The following DKK1 variants were observed in gnomAD, a reference collection of about 807,000 sequenced individuals.
The protein encoded by DKK1 is dickkopf Wnt signaling pathway inhibitor 1.
A neutral mutation model predicts 26.0 loss-of-function variants in DKK1; 18 were observed. The observed-to-expected ratio is 0.69, with a 90% confidence interval of 0.48 to 1.03. The LOEUF (loss-of-function observed/expected upper bound fraction) is 1.03, where lower values mean the gene tolerates loss of function less well. Among genes scored for constraint, DKK1 ranks in the 50% least tolerant of loss-of-function variants. The pLI is 0.00. For missense variants in DKK1, 335 were observed against 348.5 expected, an observed-to-expected ratio of 0.96 and a Z score of 0.31; for synonymous variants, 130 against 132.6, an observed-to-expected ratio of 0.98 and a Z score of 0.13.
intron 2 of DKK1, among the ~76,000 whole-genome samples, chr10:52,315,870 G>C (rs1440654298): frequency 1.3e-5 from 2 of 152,244 alleles, no homozygotes; most frequent in East Asian, 3.9e-4. Flanking sequence ...AGATTGCAAT[G>C]TTCCAGGCAG....
Position 52,314,749 on chromosome 10 carries a change from C to G in DKK1, c.243+72C>G. Reference sequence around the variant, plus strand: ...CCTATCTGGAGACGAGGGAGTAGAACGTGCTGAATGTGTGCGGTTCAGGGA... The same window carrying G: ...CCTATCTGGAGACGAGGGAGTAGAAGGTGCTGAATGTGTGCGGTTCAGGGA... On this transcript the variant is annotated intron_variant, in intron 1 of 3. Transcript: ENST00000373970. The surrounding 1 kb of genome is among the most constrained non-coding windows in gnomAD (Gnocchi z 5.7). The G allele has an allele frequency of 6.3e-7, 1 of 1,577,124 alleles. No homozygotes were observed. Among genetic ancestry groups the G allele is most frequent in the Non-Finnish European group, 8.6e-7 (1 of 1,160,856 alleles).
Position 52,314,524 on chromosome 10 carries a change from C to T in DKK1, c.90C>T (p.Ser30=), listed in dbSNP as rs200283314. The change falls in exon 1 of 4, where the codon AGC becomes AGT. Residue 30 remains serine, a synonymous_variant. Coordinates refer to ENST00000373970, the MANE Select transcript of DKK1 (RefSeq NM_012242.4). This position sits in a 1 kb window ranked among gnomAD's most constrained non-coding sequence, Gnocchi z 5.7. The part of the protein sequence containing the change: ...ALGGHPLLGV[S]ATLNSVLNSN... ...GCGGCCACCCTCTGCTGGGAGTGAG[C>T]GCCACCTTGAACTCGGTTCTCAATT... 1.9e-6 allele frequency: 3 copies of T among 1,613,786 alleles called. No individual in the cohort carries two copies. Among genetic ancestry groups the T allele is most frequent in the East Asian group, 2.2e-5 (1 of 44,846 alleles).
chr10:52,316,911 T>C lies in DKK1; in HGVS notation c.*104T>C. On this transcript the variant is annotated 3_prime_UTR_variant, in exon 4 of 4. Transcript: ENST00000373970. Reference sequence around the variant, plus strand: ...CCTAAGGATATACAAGTTCTGTGGTTTCAGTTAAGCATTCCAATAACACCT... The same window carrying C: ...CCTAAGGATATACAAGTTCTGTGGTCTCAGTTAAGCATTCCAATAACACCT... The C allele has an allele frequency of 7.3e-7, 1 of 1,370,394 alleles. No homozygotes were observed. The highest frequency in any genetic ancestry group is 9.9e-7 in the Non-Finnish European group (1 of 1,007,670). 84.9% of individuals were successfully genotyped at this position (1,370,394 alleles called of 1,614,324 possible).
At chr10:52,315,778 C>T (rs1842611018) in intron 2 of DKK1, among the ~76,000 whole-genome samples, 1 of 152,172 alleles carries the variant, frequency 6.6e-6, no homozygotes, top group Non-Finnish European at 1.5e-5. Flanking sequence ...CGACGACCCT[C>T]CTTAGGACCC....
chr10:52,316,498 C>T (rs967112194), intron 3 of DKK1, 56 bp from the exon 4 acceptor site: 11 of 1,609,702 alleles, frequency 6.8e-6, no homozygotes, highest in Non-Finnish European at 9.3e-6. Context: ...TTTAGTGAAA[C>T]GATGCAGGTT....
chr10:52,315,633 A>G (rs1189331479), intron 2 of DKK1, among the ~76,000 whole-genome samples: 1 of 152,112 alleles, frequency 6.6e-6, no homozygotes, highest in Non-Finnish European at 1.5e-5. Context: ...TGACTTCTCC[A>G]TCCTTCCCCC....
rs866051451 is a variant in DKK1, at chr10:52,317,614, A to T, written c.*807A>T. On this transcript the variant is annotated 3_prime_UTR_variant, in exon 4 of 4. Coordinates refer to ENST00000373970, the MANE Select transcript of DKK1 (RefSeq NM_012242.4). ...ATGGCAGAATGAGAGTGAATCTTACATTACTACTTTCAAAAATAGTTTCCA... is the reference window on the plus strand; with the variant it reads ...ATGGCAGAATGAGAGTGAATCTTACTTTACTACTTTCAAAAATAGTTTCCA... 2.0e-5 allele frequency: 3 copies of T among 152,238 alleles called. No individual in the cohort carries two copies. The highest frequency in any genetic ancestry group is 2.9e-5 in the Non-Finnish European group (2 of 68,044). 9.4% of individuals were successfully genotyped at this position (152,238 alleles called of 1,614,324 possible). A position where few individuals can be genotyped will look rare whatever the true frequency, so the allele number is the denominator to read the frequency against.
At chr10:52,315,243 C>T (rs1458355707) in intron 2 of DKK1, 158 bp downstream of exon 2, 1 of 636,172 alleles carries the variant, frequency 1.6e-6, no homozygotes, top group East Asian at 3.2e-5. Context: ...TGCAGGATTC[C>T]GCTGAAGTAT....
chr10:52,316,442 AT>A lies in DKK1; in HGVS notation c.547+8del. 6.2e-7 allele frequency: 1 copy of A among 1,613,788 alleles called. No individual in the cohort carries two copies. Among genetic ancestry groups the A allele is most frequent in the Non-Finnish European group, 8.5e-7 (1 of 1,179,916 alleles). The stretch of plus-strand genomic sequence containing the variant: ...AAAATGTATCACACCAAAGGTAAGG[AT>A]GTTAAGACTCATTCTTAGCACATCA... On this transcript the variant is annotated splice_region_variant and intron_variant, in intron 3 of 3. Coordinates refer to ENST00000373970, the MANE Select transcript of DKK1 (RefSeq NM_012242.4).
At position 52,315,030 on chromosome 10, in the gene DKK1, C is replaced by T; in HGVS notation, c.351C>T (p.Arg117=). Residue 117 remains arginine (R), a synonymous_variant, in exon 2 of 4, where the codon CGC becomes CGT. Coordinates refer to ENST00000373970, the MANE Select transcript of DKK1 (RefSeq NM_012242.4). ...AAATCTGTCTCGCCTGCAGGAAGCG[C>T]CGAAAACGCTGCATGCGTCACGCTA... ...GVQICLACRK[R]RKRCMRHAMC... is the part of the protein sequence containing the mutation. 4 of 1,604,652 alleles carry T rather than the reference C, an allele frequency of 2.5e-6. No individual in the cohort carries two copies. The highest frequency in any genetic ancestry group is 2.2e-5 in the South Asian group (2 of 90,360).
chr10:52,316,610 G>T lies in DKK1; in HGVS notation c.604G>T (p.Ala202Ser), dbSNP rs767879698. The change falls in exon 4 of 4, where the codon GCT becomes TCT. Residue 202 changes from alanine to serine, a missense_variant. Coordinates refer to ENST00000373970, the MANE Select transcript of DKK1 (RefSeq NM_012242.4). ...SSDCASGLCC[A>S]RHFWSKICKP... ...AGACTGTGCCTCAGGATTGTGTTGT[G>T]CTAGACACTTCTGGTCCAAGATCTG... is the stretch of plus-strand genomic sequence containing the variant. 1.9e-6 allele frequency: 3 copies of T among 1,614,064 alleles called. No individual in the cohort carries two copies. Among genetic ancestry groups the T allele is most frequent in the Admixed American group, 1.7e-5 (1 of 60,012 alleles).
rs146628250 is a variant in DKK1, at chr10:52,314,645, G to C, written c.211G>C (p.Gly71Arg). 2 of 1,613,246 alleles carry C rather than the reference G, an allele frequency of 1.2e-6. No homozygotes were observed. The highest frequency in any genetic ancestry group is 1.7e-6 in the Non-Finnish European group (2 of 1,179,976). Residue 71 changes from glycine (G) to arginine (R), a missense_variant, in exon 1 of 4, where the codon GGG becomes CGG. Physicochemically the swap from Gly to Arg is moderately radical, Grantham distance 125. Coordinates refer to ENST00000373970, the MANE Select transcript of DKK1 (RefSeq NM_012242.4). This position sits in a 1 kb window ranked among gnomAD's most constrained non-coding sequence, Gnocchi z 5.7. The part of the protein sequence containing the change: ...SAAPGILYPG[G>R]NKYQTIDNYQ... Reference sequence around the variant, plus strand: ...CGCGCCGGGAATCCTGTACCCGGGCGGGAATAAGTACCAGACCATTGACAA... The same window carrying C: ...CGCGCCGGGAATCCTGTACCCGGGCCGGAATAAGTACCAGACCATTGACAA...
Position 52,314,843 on chromosome 10 carries a change from CTG to C in DKK1, c.244-77_244-76del. ...TTTTGGAGAGGTGGACAGATAAGGA[CTG>C]TGATCAGCGCCCGGGTCCAAGAGGG... On this transcript the variant is annotated intron_variant, in intron 1 of 3. Coordinates refer to ENST00000373970, the MANE Select transcript of DKK1 (RefSeq NM_012242.4). The surrounding 1 kb of genome is among the most constrained non-coding windows in gnomAD (Gnocchi z 5.7). 1.4e-6 allele frequency: 2 copies of C among 1,462,496 alleles called. No homozygotes were observed. The highest frequency in any genetic ancestry group is 1.8e-6 in the Non-Finnish European group (2 of 1,102,578). 90.6% of individuals were successfully genotyped at this position (1,462,496 alleles called of 1,614,324 possible).
chr10:52,314,385 C>T lies in DKK1; in HGVS notation c.-50C>T. ...ACGGTTTCGTGGGGACCCAGGCTTGCAAAGTGACGGTCATTTTCTCTTTCT... is the reference window on the plus strand; with the variant it reads ...ACGGTTTCGTGGGGACCCAGGCTTGTAAAGTGACGGTCATTTTCTCTTTCT... On this transcript the variant is annotated 5_prime_UTR_variant, in exon 1 of 4. Coordinates refer to ENST00000373970, the MANE Select transcript of DKK1 (RefSeq NM_012242.4). The surrounding 1 kb of genome is among the most constrained non-coding windows in gnomAD (Gnocchi z 5.7). 1 of 1,606,160 alleles carries T rather than the reference C, an allele frequency of 6.2e-7. No individual in the cohort carries two copies. Among genetic ancestry groups the T allele is most frequent in the Non-Finnish European group, 8.5e-7 (1 of 1,175,816 alleles).
At position 52,316,916 on chromosome 10, in the gene DKK1, T is replaced by A. The variant is rs1426107030; in HGVS notation, c.*109T>A. The stretch of plus-strand genomic sequence containing the variant: ...GGATATACAAGTTCTGTGGTTTCAG[T>A]TAAGCATTCCAATAACACCTTCCAA... On this transcript the variant is annotated 3_prime_UTR_variant, in exon 4 of 4. Transcript: ENST00000373970. 1 of 1,331,342 alleles carries A rather than the reference T, an allele frequency of 7.5e-7. No homozygotes were observed. The highest frequency in any genetic ancestry group is 1.0e-6 in the Non-Finnish European group (1 of 975,740). The allele number at this position is 1,331,342 out of a possible 1,614,324, so 82.5% of individuals were successfully genotyped here. A position where few individuals can be genotyped will look rare whatever the true frequency, so the allele number is the denominator to read the frequency against.
In DKK1 at chr10:52,316,584, C is replaced by T; in HGVS notation, c.578C>T (p.Ser193Leu). The stretch of plus-strand genomic sequence containing the variant: ...GAAGGTTCTGTTTGTCTCCGGTCAT[C>T]AGACTGTGCCTCAGGATTGTGTTGT... ...GQEGSVCLRS[S>L]DCASGLCCAR... is the part of the protein sequence containing the mutation. The change falls in exon 4 of 4, where the codon TCA becomes TTA. Residue 193 changes from serine to leucine, a missense_variant. By Grantham distance (145) the Ser-to-Leu change is moderately radical (BLOSUM62 -2). Coordinates refer to ENST00000373970, the MANE Select transcript of DKK1 (RefSeq NM_012242.4). 6.2e-7 allele frequency: 1 copy of T among 1,614,044 alleles called. No homozygotes were observed. The highest frequency in any genetic ancestry group is 8.5e-7 in the Non-Finnish European group (1 of 1,180,006).
chr10:52,316,265 G>C, intron 2 of DKK1, 30 bp from the exon 3 acceptor site: 1 of 1,612,476 alleles, frequency 6.2e-7, no homozygotes, highest in Non-Finnish European at 8.5e-7. Context: ...TTACAACCCT[G>C]AAGTTAATCA....
Position 52,314,702 on chromosome 10 carries a change from G to T in DKK1, c.243+25G>T. ...GGTGAGAGGGGTCGGGCACTCAGAG[G>T]ATGCTCTGACCTTGAAAGGGTCCTA... On this transcript the variant is annotated intron_variant, in intron 1 of 3. Coordinates refer to ENST00000373970, the MANE Select transcript of DKK1 (RefSeq NM_012242.4). The surrounding 1 kb of genome is among the most constrained non-coding windows in gnomAD (Gnocchi z 5.7). The T allele has an allele frequency of 6.2e-7, 1 of 1,609,092 alleles. No homozygotes were observed.
Position 52,316,439 on chromosome 10 carries a change from A to C in DKK1, c.547+4A>C. The C allele has an allele frequency of 6.2e-7, 1 of 1,613,952 alleles. No individual in the cohort carries two copies. The highest frequency in any genetic ancestry group is 8.5e-7 in the Non-Finnish European group (1 of 1,179,960). On this transcript the variant is annotated splice_donor_region_variant and intron_variant, in intron 3 of 3. Transcript: ENST00000373970. ...TCAAAAATGTATCACACCAAAGGTA[A>C]GGATGTTAAGACTCATTCTTAGCAC...
Sources: allele counts gnomAD v4.1 joint callset (sites outside exome capture counted in the v4.1 genomes callset), GRCh38; gene constraint gnomAD v4.1.1; non-coding constraint Gnocchi (gnomAD v3.1); transcripts MANE v1.5; gene names NCBI Gene and HGNC (gene_info 2026-07-23, HGNC 2026-07-21).